Variants in EEIG2 observed in about 807,000 individuals in gnomAD.
The protein encoded by EEIG2 is EEIG family member 2, also known as family with sequence similarity 102 member B.
the EEIG2 span, among the ~76,000 whole-genome samples, chr1:108,567,132 A>G: frequency 1.3e-5 from 2 of 152,192 alleles, no homozygotes; most frequent in South Asian, 2.1e-4. Context: ...TTTGTCAACT[A>G]TATTTTAATA....
At chr1:108,631,648 TATATC>T in the EEIG2 span, among the ~76,000 whole-genome samples, 2 of 152,114 alleles carry the variant, frequency 1.3e-5, no homozygotes, top group Non-Finnish European at 2.9e-5. Flanking sequence ...GATATATAAT[TATATC>T]ATAATAAACA....
chr1:108,575,041 T>C, the EEIG2 span, among the ~76,000 whole-genome samples: 1 of 152,226 alleles, frequency 6.6e-6, no homozygotes, highest in Admixed American at 6.5e-5. Context: ...TAAACAGTAA[T>C]TGATTTTTAT....
the EEIG2 span, among the ~76,000 whole-genome samples, chr1:108,577,983 G>A: frequency 1.3e-5 from 2 of 149,718 alleles, no homozygotes; most frequent in East Asian, 2.0e-4. Flanking sequence ...CTTGAGCAGT[G>A]GTTTGTAGTT....
chr1:108,628,398 A>G, the EEIG2 span: 1 of 1,613,770 alleles, frequency 6.2e-7, no homozygotes, highest in African/African-American at 1.3e-5. Flanking sequence ...CTGACAGGGT[A>G]TAGCACGTGT....
chr1:108,580,381 G>A, the EEIG2 span, among the ~76,000 whole-genome samples: 2 of 151,662 alleles, frequency 1.3e-5, no homozygotes, highest in African/African-American at 2.4e-5. Context: ...CCCTACAATG[G>A]CCTCTAAATG....
At chr1:108,603,411 T>G in the EEIG2 span, among the ~76,000 whole-genome samples, 3 of 151,434 alleles carry the variant, frequency 2.0e-5, no homozygotes, top group Non-Finnish European at 4.4e-5. Flanking sequence ...TCTGAGAGTT[T>G]CAACCTAGTA....
chr1:108,569,561 A>G, the EEIG2 span, among the ~76,000 whole-genome samples: 4 of 152,178 alleles, frequency 2.6e-5, no homozygotes, highest in Non-Finnish European at 5.9e-5. Flanking sequence ...CCTGGCCTCA[A>G]GCAATCCTGC....
At chr1:108,584,861 A>G in the EEIG2 span, among the ~76,000 whole-genome samples, 3 of 152,140 alleles carry the variant, frequency 2.0e-5, no homozygotes, top group African/African-American at 7.2e-5. Context: ...TCCTTTATGT[A>G]TGAGGCAGAA....
At chr1:108,581,659 C>G in the EEIG2 span, among the ~76,000 whole-genome samples, 4 of 152,144 alleles carry the variant, frequency 2.6e-5, no homozygotes, top group Non-Finnish European at 5.9e-5. Flanking sequence ...GAAGTGGAAC[C>G]TGAAGATGTG....
At chr1:108,592,838 A>C in the EEIG2 span, among the ~76,000 whole-genome samples, 1 of 152,172 alleles carries the variant, frequency 6.6e-6, no homozygotes, top group Non-Finnish European at 1.5e-5. Flanking sequence ...CATTTTAAAT[A>C]ATAAGATTTA....
chr1:108,593,368 G>A, the EEIG2 span, among the ~76,000 whole-genome samples: 1 of 151,994 alleles, frequency 6.6e-6, no homozygotes, highest in Admixed American at 6.6e-5. Flanking sequence ...AAGGTAAAAG[G>A]GTATGTTTCA....
chr1:108,569,184 A>G, the EEIG2 span, among the ~76,000 whole-genome samples: 12 of 152,378 alleles, frequency 7.9e-5, no homozygotes, highest in East Asian at 1.9e-4. Flanking sequence ...TCAGTATAAC[A>G]TTAAAACAAA....
At chr1:108,624,954 A>C in the EEIG2 span, 1 of 524,726 alleles carries the variant, frequency 1.9e-6, no homozygotes, top group African/African-American at 1.9e-5. Flanking sequence ...TTACAATGAC[A>C]CTCTCCTCAC....
the EEIG2 span, among the ~76,000 whole-genome samples, chr1:108,621,911 C>A: frequency 6.6e-6 from 1 of 151,884 alleles, no homozygotes; most frequent in Non-Finnish European, 1.5e-5. Flanking sequence ...AATCCCAACA[C>A]TTTGGGAGGC....
chr1:108,635,000 C>T, the EEIG2 span: 1 of 981,656 alleles, frequency 1.0e-6, no homozygotes, highest in Non-Finnish European at 1.6e-6. Context: ...GAAATCAAAT[C>T]TAGTAGAAAA....
chr1:108,594,133 C>T, the EEIG2 span, among the ~76,000 whole-genome samples: 1 of 151,928 alleles, frequency 6.6e-6, no homozygotes, highest in Admixed American at 6.6e-5. Flanking sequence ...TTTAAGTTCT[C>T]AGTACATGCA....
chr1:108,632,337 A>G, the EEIG2 span, among the ~76,000 whole-genome samples: 1,248 of 152,226 alleles, frequency 8.2e-3, 19 homozygotes, highest in African/African-American at 0.029. Flanking sequence ...GAGGTTGGCA[A>G]GCATCTCTGA....
the EEIG2 span, among the ~76,000 whole-genome samples, chr1:108,589,081 T>C: frequency 1.3e-5 from 2 of 152,130 alleles, no homozygotes; most frequent in South Asian, 4.1e-4. Context: ...GCATTAGAGC[T>C]CACTCTTTTC....
At chr1:108,624,556 A>G in the EEIG2 span, 24 of 1,105,906 alleles carry the variant, frequency 2.2e-5, 1 homozygote, top group South Asian at 2.6e-4. Context: ...CAAGCAGTCT[A>G]TGCTAAGGCT....
Sources: gnomAD v4.1 joint callset for allele counts (sites outside exome capture counted in the v4.1 genomes callset) on GRCh38, gnomAD v4.1.1 for gene constraint, MANE v1.5 for transcripts, NCBI Gene and HGNC (gene_info 2026-07-23, HGNC 2026-07-21) for gene names.